ST8SIA4: variants seen among roughly 807,000 people sequenced by gnomAD.
The protein encoded by ST8SIA4 is CMP-N-acetylneuraminate-poly-alpha-2,8-sialyltransferase.
A neutral mutation model predicts 33.9 loss-of-function variants in ST8SIA4; 15 were observed. That is an observed-to-expected ratio of 0.44 (90% CI 0.30 to 0.68). The LOEUF (loss-of-function observed/expected upper bound fraction) is 0.68. ST8SIA4 is among the 30% of genes least tolerant of loss of function. ST8SIA4 has a pLI of 0.10. For synonymous variants in ST8SIA4, 171 were observed against 151.2 expected (o/e 1.13, Z -0.96); for missense variants, 321 against 428.0 (o/e 0.75, Z 2.21).
intron 3 of ST8SIA4, among the ~76,000 whole-genome samples, chr5:100,873,634 G>A (rs1284325632): frequency 1.3e-5 from 2 of 152,070 alleles, no homozygotes; most frequent in African/African-American, 4.8e-5. Flanking sequence ...GGGAAACAAG[G>A]TTTCTTTTCT....
At chr5:100,869,496 C>T (rs1422526128) in intron 3 of ST8SIA4, among the ~76,000 whole-genome samples, 2 of 152,156 alleles carry the variant, frequency 1.3e-5, no homozygotes, top group African/African-American at 4.8e-5. Flanking sequence ...AATGTCATCA[C>T]TTTTTTCCTC....
At chr5:100,845,469 A>T (rs1751548888) in intron 4 of ST8SIA4, among the ~76,000 whole-genome samples, 1 of 151,918 alleles carries the variant, frequency 6.6e-6, no homozygotes, top group South Asian at 2.1e-4. Context: ...CTTAAATTAG[A>T]ATAACTTAAT....
At chr5:100,897,972 A>T (rs1232337591) in intron 1 of ST8SIA4, among the ~76,000 whole-genome samples, 1 of 152,198 alleles carries the variant, frequency 6.6e-6, no homozygotes, top group African/African-American at 2.4e-5. Flanking sequence ...TAACGTTCAC[A>T]CTTTGGGAGA....
intron 4 of ST8SIA4, among the ~76,000 whole-genome samples, chr5:100,827,738 C>T (rs950529640): frequency 6.6e-6 from 1 of 152,196 alleles, no homozygotes; most frequent in African/African-American, 2.4e-5. Flanking sequence ...GCTTCAGAGA[C>T]AAACTGCACG....
chr5:100,825,902 C>T (rs1751132919), intron 4 of ST8SIA4, among the ~76,000 whole-genome samples: 1 of 152,118 alleles, frequency 6.6e-6, no homozygotes, highest in African/African-American at 2.4e-5. Context: ...CTTAATTTGA[C>T]TTGCCTATAT....
At chr5:100,876,529 T>C (rs966139486) in intron 3 of ST8SIA4, among the ~76,000 whole-genome samples, 1 of 152,074 alleles carries the variant, frequency 6.6e-6, no homozygotes, top group Non-Finnish European at 1.5e-5. Flanking sequence ...AAGATATCTT[T>C]AACCTAGCCA....
chr5:100,826,202 T>C (rs1751140048), intron 4 of ST8SIA4, among the ~76,000 whole-genome samples: 1 of 152,140 alleles, frequency 6.6e-6, no homozygotes, highest in Non-Finnish European at 1.5e-5. Context: ...ATAATGATCT[T>C]CCAGTATTTC....
At chr5:100,884,190 C>A (rs1752487598) in intron 3 of ST8SIA4, among the ~76,000 whole-genome samples, 1 of 152,092 alleles carries the variant, frequency 6.6e-6, no homozygotes, top group Non-Finnish European at 1.5e-5. Flanking sequence ...GGTTTTAAAT[C>A]TAAAAAGTAG....
intron 4 of ST8SIA4, among the ~76,000 whole-genome samples, chr5:100,833,598 A>G (rs1460708276): frequency 6.6e-6 from 1 of 152,148 alleles, no homozygotes; most frequent in East Asian, 1.9e-4. Flanking sequence ...AGTAATAACA[A>G]ACCTATGTCA....
At position 100,811,962 on chromosome 5, in the gene ST8SIA4, T is replaced by C; in HGVS notation, c.965A>G (p.Tyr322Cys). The change falls in exon 5 of 5, where the codon TAT (tyrosine) becomes TGT (cysteine). Residue 322 changes from tyrosine to cysteine, a missense_variant. Physicochemically the swap from Tyr to Cys is radical, Grantham distance 194. Transcript: ENST00000231461. Reference protein sequence around the residue: ...VKYHYYDDLKYRYFSNASPHR... With the variant: ...VKYHYYDDLKCRYFSNASPHR... ...AGGGCTTGCATTGGAAAAGTACCTATATTTTAAGTCATCATAATAATGATA... is the reference window on the plus strand; with the variant it reads ...AGGGCTTGCATTGGAAAAGTACCTACATTTTAAGTCATCATAATAATGATA... 1 of 1,614,142 alleles carries C rather than the reference T, an allele frequency of 6.2e-7. No homozygotes were observed. Among genetic ancestry groups the C allele is most frequent in the South Asian group, 1.1e-5 (1 of 91,082 alleles).
intron 3 of ST8SIA4, among the ~76,000 whole-genome samples, chr5:100,870,715 C>T (rs540105394): frequency 2.0e-4 from 31 of 151,912 alleles, no homozygotes; most frequent in Non-Finnish European, 4.0e-4. Flanking sequence ...AAGAGCTGTA[C>T]CTCTCATCAC....
At chr5:100,875,832 A>G (rs1752292411) in intron 3 of ST8SIA4, among the ~76,000 whole-genome samples, 2 of 152,302 alleles carry the variant, frequency 1.3e-5, no homozygotes, top group South Asian at 4.1e-4. Context: ...CAGTTGATAG[A>G]ATTTTCATTA....
chr5:100,882,935 C>G (rs754808613), intron 3 of ST8SIA4, among the ~76,000 whole-genome samples: 1 of 152,206 alleles, frequency 6.6e-6, no homozygotes, highest in African/African-American at 2.4e-5. Context: ...GGGGTGCTCA[C>G]GGATAACCTC....
intron 4 of ST8SIA4, among the ~76,000 whole-genome samples, chr5:100,852,114 C>CTTTTTTTTTTTTT (rs773074391): frequency 2.4e-5 from 2 of 83,446 alleles, no homozygotes; most frequent in Non-Finnish European, 2.1e-5. Flanking sequence ...CTCCACTCTT[C>CTTTTTTTTTTTTT]TTTTTTTTTT....
rs545800643 is a variant in ST8SIA4 at position 100,808,051 on chromosome 5, A to G, written c.*3796T>C. ...CAACTAACTATACACAACTCTTCCC[A>G]TACCCCTTCCACAATTATATATACT... On this transcript the variant is annotated 3_prime_UTR_variant, in exon 5 of 5. Coordinates refer to ENST00000231461, the MANE Select transcript of ST8SIA4 (RefSeq NM_005668.6). The G allele has an allele frequency of 3.9e-5, 6 of 152,624 alleles. No homozygotes were observed. The highest frequency in any genetic ancestry group is 1.2e-4 in the African/African-American group (5 of 41,558). The allele number at this position is 152,624 out of a possible 1,614,324, so 9.5% of individuals were successfully genotyped here. A position where few individuals can be genotyped will look rare whatever the true frequency, so the allele number is the denominator to read the frequency against.
intron 4 of ST8SIA4, among the ~76,000 whole-genome samples, chr5:100,853,557 T>A (rs1459872712): frequency 1.3e-5 from 2 of 152,214 alleles, no homozygotes; most frequent in East Asian, 3.8e-4. Flanking sequence ...CTTTCACCAG[T>A]GGTCAGAAGT....
intron 3 of ST8SIA4, chr5:100,885,969 T>C: frequency 2.4e-6 from 2 of 829,194 alleles, no homozygotes; most frequent in Non-Finnish European, 2.9e-6. Flanking sequence ...CATCATTCCA[T>C]AGTAATATTC....
intron 4 of ST8SIA4, among the ~76,000 whole-genome samples, chr5:100,846,225 G>GA (rs1399464143): frequency 2.6e-5 from 4 of 151,662 alleles, no homozygotes; most frequent in Non-Finnish European, 5.9e-5. Context: ...CCAGATCGAT[G>GA]AAAAAAACCT....
chr5:100,874,800 T>G (rs1752270798), intron 3 of ST8SIA4, among the ~76,000 whole-genome samples: 1 of 151,950 alleles, frequency 6.6e-6, no homozygotes, highest in Non-Finnish European at 1.5e-5. Flanking sequence ...CCCAGGCTGG[T>G]CTCAAACTCC....
Sources: allele counts gnomAD v4.1 joint callset (sites outside exome capture counted in the v4.1 genomes callset), GRCh38; gene constraint gnomAD v4.1.1; transcripts MANE v1.5; gene names NCBI Gene and HGNC (gene_info 2026-07-23, HGNC 2026-07-21).